AKAP6: variants seen among roughly 807,000 people sequenced by gnomAD.
AKAP6 encodes the protein A-kinase anchoring protein 6, also known as A-kinase anchor protein 6.
A neutral mutation model predicts 188.5 loss-of-function variants in AKAP6; 58 were observed. The observed-to-expected ratio is 0.31, with a 90% CI of 0.25 to 0.38. The LOEUF (loss-of-function observed/expected upper bound fraction) is 0.38, where lower values mean the gene tolerates loss of function less well. Ranked by LOEUF, AKAP6 falls within the 10% of genes least tolerant of loss-of-function variation. AKAP6 has a pLI of 1.00. For synonymous variants in AKAP6, 989 were observed against 998.6 expected (o/e 0.99, Z 0.18); for missense variants, 2,710 against 2,740.0 (o/e 0.99, Z 0.24).
chr14:32,615,585 C>T (rs1024355488), intron 7 of AKAP6, among the ~76,000 whole-genome samples: 5 of 143,792 alleles, frequency 3.5e-5, no homozygotes, highest in African/African-American at 1.5e-4. Context: ...CAATGCTAAA[C>T]CATTACTTTT....
intron 2 of AKAP6, among the ~76,000 whole-genome samples, chr14:32,460,898 C>T (rs767271961): frequency 2.0e-5 from 3 of 152,202 alleles, no homozygotes; most frequent in Non-Finnish European, 4.4e-5. Flanking sequence ...GGGCATCCAC[C>T]ATTACTGAGG....
chr14:32,658,272 A>G (rs964771429), intron 7 of AKAP6, among the ~76,000 whole-genome samples: 123 of 152,118 alleles, frequency 8.1e-4, no homozygotes, highest in Admixed American at 2.4e-3. Context: ...AGAGATTACA[A>G]TGTAACTCCT....
At chr14:32,625,987 G>T (rs555145031) in intron 7 of AKAP6, among the ~76,000 whole-genome samples, 4 of 152,170 alleles carry the variant, frequency 2.6e-5, no homozygotes, top group East Asian at 3.9e-4. Flanking sequence ...GTCTAACTTG[G>T]GTTCTTACCA....
At chr14:32,732,853 A>C in intron 10 of AKAP6, 1 of 603,284 alleles carries the variant, frequency 1.7e-6, no homozygotes, top group Non-Finnish European at 2.9e-6. Flanking sequence ...AGTAAGTAAA[A>C]TATGCCATGT....
chr14:32,483,005 A>G (rs1290509426), intron 2 of AKAP6, among the ~76,000 whole-genome samples: 21,048 of 111,048 alleles, frequency 0.19, 4,700 homozygotes, highest in African/African-American at 0.49. Flanking sequence ...ATATATATAT[A>G]TATATATGTA....
intron 12 of AKAP6, among the ~76,000 whole-genome samples, chr14:32,776,623 C>T (rs1187861038): frequency 6.6e-6 from 1 of 152,222 alleles, no homozygotes; most frequent in African/African-American, 2.4e-5. Context: ...TGAATGAGTA[C>T]ATGTGTTCAT....
At chr14:32,428,425 A>G (rs1223204723) in intron 1 of AKAP6, among the ~76,000 whole-genome samples, 2 of 152,040 alleles carry the variant, frequency 1.3e-5, no homozygotes. Context: ...CTGGTACTCT[A>G]TACTGGCACC....
rs560823408 is a variant in AKAP6, at chr14:32,383,287, C to T, written c.-34-50173C>T. On this transcript the variant is annotated intron_variant, in intron 1 of 13. Transcript: ENST00000280979. ...TTTGTCAAAAATAGTATATCATATA[C>T]TTGCCACAGTAATAGATCAAGGCTT... is the stretch of plus-strand genomic sequence containing the variant. Among the ~76,000 whole-genome samples the T allele has an allele frequency of 4.6e-5, 7 of 152,032 alleles. No individual in the cohort carries two copies. The South Asian group carries it at 1.5e-3, about 32-fold the overall frequency.
intron 2 of AKAP6, among the ~76,000 whole-genome samples, chr14:32,532,271 C>T (rs985146161): frequency 2.0e-5 from 3 of 152,092 alleles, no homozygotes. Flanking sequence ...TGTTTATTTG[C>T]CATCATTATA....
intron 11 of AKAP6, among the ~76,000 whole-genome samples, chr14:32,746,969 A>G (rs1239216916): frequency 1.3e-5 from 2 of 152,232 alleles, no homozygotes; most frequent in Non-Finnish European, 1.5e-5. Context: ...TAAAATGTGC[A>G]CCATTGACAA....
intron 13 of AKAP6, among the ~76,000 whole-genome samples, chr14:32,827,368 A>G (rs28722152): frequency 0.081 from 12,205 of 151,452 alleles, 541 homozygotes; most frequent in South Asian, 0.15. Context: ...TTTTTTCCAG[A>G]ACTAAGTTTT....
chr14:32,509,094 C>G (rs1289111192), intron 2 of AKAP6, among the ~76,000 whole-genome samples: 1 of 140,176 alleles, frequency 7.1e-6, no homozygotes, highest in East Asian at 2.3e-4. Context: ...GCTGAGATTA[C>G]AGGCGTAAGC....
intron 2 of AKAP6, among the ~76,000 whole-genome samples, chr14:32,462,916 A>AAAAAAAAAAAAAAAAAAAAAAAAAAAAC: frequency 1.1e-5 from 1 of 93,814 alleles, no homozygotes; most frequent in Non-Finnish European, 1.9e-5. Flanking sequence ...AAAAAAAAAA[A>AAAAAAAAAAAAAAAAAAAAAAAAAAAAC]AAAAAAAAAA....
At chr14:32,601,691 T>G (rs954665489) in intron 7 of AKAP6, among the ~76,000 whole-genome samples, 1 of 152,258 alleles carries the variant, frequency 6.6e-6, no homozygotes, top group Non-Finnish European at 1.5e-5. Context: ...ATTCCTGGCT[T>G]GGACAAAGTA....
At chr14:32,656,888 CT>C (rs1888475935) in intron 7 of AKAP6, among the ~76,000 whole-genome samples, 1 of 152,150 alleles carries the variant, frequency 6.6e-6, no homozygotes, top group African/African-American at 2.4e-5. Context: ...ATGCTTCTCT[CT>C]GTTTATCCTG....
chr14:32,395,870 C>T (rs1249703027), intron 1 of AKAP6, among the ~76,000 whole-genome samples: 1 of 152,130 alleles, frequency 6.6e-6, no homozygotes, highest in Non-Finnish European at 1.5e-5. Flanking sequence ...GTGTCTGTCC[C>T]TACTACTCCA....
intron 1 of AKAP6, among the ~76,000 whole-genome samples, chr14:32,426,419 G>T (rs1890033072): frequency 6.6e-6 from 1 of 152,172 alleles, no homozygotes; most frequent in African/African-American, 2.4e-5. Context: ...TTGATTTTCA[G>T]TAATGTCCGT....
chr14:32,679,060 T>A (rs1055863112), intron 8 of AKAP6, among the ~76,000 whole-genome samples: 1 of 152,176 alleles, frequency 6.6e-6, no homozygotes, highest in Admixed American at 6.5e-5. Flanking sequence ...ATACTAACTA[T>A]TCATACTATT....
chr14:32,366,056 A>T (rs1887822430), intron 1 of AKAP6, among the ~76,000 whole-genome samples: 1 of 151,986 alleles, frequency 6.6e-6, no homozygotes, highest in Non-Finnish European at 1.5e-5. Context: ...CTCCCACTAA[A>T]AGAAACAAAC....
Sources: allele counts gnomAD v4.1 joint callset (sites outside exome capture counted in the v4.1 genomes callset), GRCh38; gene constraint gnomAD v4.1.1; transcripts MANE v1.5; gene names NCBI Gene and HGNC (gene_info 2026-07-23, HGNC 2026-07-21).